The following UBR1 variants were observed in gnomAD, a reference collection of about 807,000 sequenced individuals.
The protein encoded by UBR1 is E3 ubiquitin-protein ligase UBR1.
A neutral mutation model predicts 242.1 loss-of-function variants in UBR1; 102 were observed. The ratio of observed to expected loss-of-function variants is 0.42; its 90% CI spans 0.36 to 0.50. The LOEUF is 0.50. UBR1 is among the 20% of genes least tolerant of loss of function. The probability of loss-of-function intolerance (pLI) is 0.01; values close to 1 mark genes in which losing one functional copy is unlikely to be tolerated. For missense variants in UBR1, 1,772 were observed against 2,101.8 expected (o/e 0.84, Z 3.07); for synonymous variants, 675 against 684.8 (o/e 0.99, Z 0.22).
chr15:42,997,950 T>TGATAGTATACA (rs376809905), intron 33 of UBR1, among the ~76,000 whole-genome samples: 3 of 152,180 alleles, frequency 2.0e-5, no homozygotes, highest in African/African-American at 7.2e-5. Context: ...TAGATGGACT[T>TGATAGTATACA]GATAGTATAA....
chr15:43,030,321 C>T (rs979951717), intron 20 of UBR1, among the ~76,000 whole-genome samples: 2 of 152,208 alleles, frequency 1.3e-5, no homozygotes, highest in Admixed American at 6.6e-5. Context: ...AACACACATA[C>T]ATATACATAC....
intron 32 of UBR1, among the ~76,000 whole-genome samples, chr15:42,999,307 T>A (rs2141283122): frequency 6.6e-6 from 1 of 152,288 alleles, no homozygotes; most frequent in South Asian, 2.1e-4. Context: ...TGATTATTCC[T>A]CACTTTATTC....
chr15:43,058,346 C>A lies in UBR1; in HGVS notation c.1177G>T (p.Val393Leu), dbSNP rs570440171. 15 of 1,596,432 alleles carry A rather than the reference C, an allele frequency of 9.4e-6. No individual in the cohort carries two copies. Among genetic ancestry groups the A allele is most frequent in the African/African-American group, 1.3e-5 (1 of 74,496 alleles). Residue 393 changes from valine to leucine, a missense_variant, in exon 10 of 47, where the codon GTG becomes TTG. By Grantham distance (32) the Val-to-Leu change is conservative. Transcript: ENST00000290650. ...EYKKLFAMEF[V>L]KYYKQLQKEY... ...TCTAATTTATAAATAATTACCTTCACAAATTCCATAGCAAAGAGTTTTTTG... is the reference window on the plus strand; with the variant it reads ...TCTAATTTATAAATAATTACCTTCAAAAATTCCATAGCAAAGAGTTTTTTG...
chr15:43,032,828 TA>T (rs1478530235), intron 19 of UBR1, among the ~76,000 whole-genome samples, 197 bp from the exon 20 acceptor site: 1 of 152,222 alleles, frequency 6.6e-6, no homozygotes. Context: ...ACCTGGCATA[TA>T]ATTGCTAAAT....
chr15:43,037,714 A>G, intron 17 of UBR1, 59 bp downstream of exon 17: 1 of 1,466,108 alleles, frequency 6.8e-7, no homozygotes, highest in Non-Finnish European at 9.5e-7. Context: ...AAATCATATA[A>G]GAGAAAAAAA....
intron 39 of UBR1, among the ~76,000 whole-genome samples, chr15:42,975,111 G>C (rs2032268017): frequency 6.6e-6 from 1 of 151,950 alleles, no homozygotes; most frequent in Non-Finnish European, 1.5e-5. Context: ...GGTCAGGCTG[G>C]TCTCGAACTC....
chr15:43,079,769 G>A (rs1052032261), intron 3 of UBR1, among the ~76,000 whole-genome samples: 4 of 152,030 alleles, frequency 2.6e-5, no homozygotes, highest in African/African-American at 7.2e-5. Flanking sequence ...GCGACAAAGC[G>A]AGACTCCGTC....
Position 42,950,415 on chromosome 15 carries a change from T to C in UBR1, c.5007-52A>G, listed in dbSNP as rs768525927. The C allele has an allele frequency of 1.0e-5, 15 of 1,482,456 alleles. No individual in the cohort carries two copies. The East Asian group carries it at 2.3e-4, about 22-fold the overall frequency. The allele number at this position is 1,482,456 out of a possible 1,614,324, so 91.8% of individuals were successfully genotyped here. A position where few individuals can be genotyped will look rare whatever the true frequency, so the allele number is the denominator to read the frequency against. ...TGGTTAAGTGTATGTGTGCAAATGA[T>C]AGGCACTGCATCAATGTTAACCTAG... On this transcript the variant is annotated intron_variant, in intron 45 of 46. Coordinates refer to ENST00000290650, the MANE Select transcript of UBR1 (RefSeq NM_174916.3).
At chr15:43,065,516 C>T (rs2033741361) in intron 6 of UBR1, among the ~76,000 whole-genome samples, 1 of 152,164 alleles carries the variant, frequency 6.6e-6, no homozygotes, top group Non-Finnish European at 1.5e-5. Context: ...TCTACCCCCA[C>T]ACCCCCGACA....
At chr15:43,099,719 C>T (rs1173980409) in intron 1 of UBR1, among the ~76,000 whole-genome samples, 1 of 152,104 alleles carries the variant, frequency 6.6e-6, no homozygotes, top group Non-Finnish European at 1.5e-5. Flanking sequence ...AAACTAGATA[C>T]AGCTGTGAAC....
chr15:42,957,895 C>A, intron 44 of UBR1, 118 bp downstream of exon 44: 4 of 928,406 alleles, frequency 4.3e-6, no homozygotes, highest in East Asian at 2.4e-5. Flanking sequence ...ACAAAAAAAC[C>A]CAAACCAAAA....
chr15:42,980,675 C>T (rs142831490), intron 37 of UBR1, among the ~76,000 whole-genome samples: 1 of 152,110 alleles, frequency 6.6e-6, no homozygotes, highest in African/African-American at 2.4e-5. Flanking sequence ...GTAGTACAAT[C>T]ATGGCTTACT....
intron 43 of UBR1, among the ~76,000 whole-genome samples, chr15:42,959,412 G>C (rs1428333644): frequency 6.6e-6 from 1 of 151,976 alleles, no homozygotes; most frequent in Non-Finnish European, 1.5e-5. Context: ...GACTAACCTT[G>C]CCTCATTAAC....
intron 5 of UBR1, among the ~76,000 whole-genome samples, chr15:43,069,541 C>T (rs1335873588): frequency 6.6e-6 from 1 of 152,246 alleles, no homozygotes; most frequent in Non-Finnish European, 1.5e-5. Flanking sequence ...TCCCAAAGTG[C>T]TGGGATTACA....
At chr15:43,014,147 G>A (rs1368932306) in intron 29 of UBR1, among the ~76,000 whole-genome samples, 2 of 152,254 alleles carry the variant, frequency 1.3e-5, no homozygotes, top group South Asian at 2.1e-4. Context: ...GCCTCCCGAG[G>A]TGCCGGGATT....
At chr15:43,092,827 C>T (rs2141366552) in intron 1 of UBR1, among the ~76,000 whole-genome samples, 1 of 152,338 alleles carries the variant, frequency 6.6e-6, no homozygotes, top group Non-Finnish European at 1.5e-5. Context: ...GCTGGGATTA[C>T]AGGCGTGAGC....
chr15:42,966,271 A>G lies in UBR1; in HGVS notation c.4473T>C (p.Asp1491=). ...AGACCCACAAATACCAGCCAGGAAT[A>G]TCACACCCAATGGAGCTAGGAGACA... ...SQYTSGSIGC[D]IPGWYLWVSL... Residue 1491 remains aspartate (D), a synonymous_variant, in exon 41 of 47, where the codon GAT becomes GAC. Transcript: ENST00000290650. 6.2e-7 allele frequency: 1 copy of G among 1,614,220 alleles called. No individual in the cohort carries two copies. Among genetic ancestry groups the G allele is most frequent in the Non-Finnish European group, 8.5e-7 (1 of 1,180,046 alleles).
intron 44 of UBR1, among the ~76,000 whole-genome samples, chr15:42,955,516 T>C (rs1402881705): frequency 6.6e-6 from 1 of 152,248 alleles, no homozygotes; most frequent in Non-Finnish European, 1.5e-5. Flanking sequence ...CTACTGAGAT[T>C]CTTGTCTTTT....
At chr15:43,035,222 A>T (rs2033317051) in intron 19 of UBR1, among the ~76,000 whole-genome samples, 1 of 152,188 alleles carries the variant, frequency 6.6e-6, no homozygotes. Flanking sequence ...TTTTAAAAAC[A>T]AGCAAGACAC....
Sources: allele counts gnomAD v4.1 joint callset (sites outside exome capture counted in the v4.1 genomes callset), GRCh38; gene constraint gnomAD v4.1.1; transcripts MANE v1.5; gene names NCBI Gene and HGNC (gene_info 2026-07-23, HGNC 2026-07-21).